The following MFSD8 variants were observed in gnomAD, a reference collection of about 807,000 sequenced individuals.
MFSD8 encodes the protein major facilitator superfamily domain-containing protein 8.
A neutral mutation model predicts 66.4 loss-of-function variants in MFSD8; 55 were observed. The ratio of observed to expected loss-of-function variants is 0.83; its 90% CI spans 0.67 to 1.04. The LOEUF is 1.04. Ranked by LOEUF, MFSD8 falls within the 50% of genes least tolerant of loss-of-function variation. The probability of loss-of-function intolerance (pLI) is 0.00; values close to 1 mark genes in which losing one functional copy is unlikely to be tolerated. For missense variants in MFSD8, 550 were observed against 627.6 expected, an observed-to-expected ratio of 0.88 and a Z score of 1.32; for synonymous variants, 202 against 212.8, an observed-to-expected ratio of 0.95 and a Z score of 0.44.
intron 7 of MFSD8, chr4:127,933,306 ATG>A: frequency 2.3e-6 from 1 of 442,812 alleles, no homozygotes; most frequent in Non-Finnish European, 4.1e-6. Flanking sequence ...GTGCAGTGTC[ATG>A]ATCACAGCTC....
At chr4:127,956,504 A>G (rs1742901489) in intron 2 of MFSD8, among the ~76,000 whole-genome samples, 1 of 151,156 alleles carries the variant, frequency 6.6e-6, no homozygotes, top group South Asian at 2.1e-4. Context: ...CGTCTTGAAA[A>G]AAAAAAAAAA....
chr4:127,964,477 CGGGT>C (rs1744597079), intron 1 of MFSD8, among the ~76,000 whole-genome samples: 1 of 152,236 alleles, frequency 6.6e-6, no homozygotes, highest in African/African-American at 2.4e-5. Context: ...GCCGCTGGCC[CGGGT>C]GCTAAGCCCC....
chr4:127,946,819 G>A (rs1410464362), intron 3 of MFSD8, among the ~76,000 whole-genome samples: 1 of 151,952 alleles, frequency 6.6e-6, no homozygotes, highest in African/African-American at 2.4e-5. Flanking sequence ...GGAGGCTGAG[G>A]CAGGAGAATC....
At chr4:127,959,173 T>C (rs185962403) in intron 1 of MFSD8, among the ~76,000 whole-genome samples, 6 of 152,346 alleles carry the variant, frequency 3.9e-5, no homozygotes, top group African/African-American at 1.4e-4. Flanking sequence ...TGTGATATTC[T>C]TGCCAGAAAT....
chr4:127,940,165 CCT>C (rs1739918473), intron 5 of MFSD8, among the ~76,000 whole-genome samples, 168 bp from the exon 6 acceptor site: 1 of 152,008 alleles, frequency 6.6e-6, no homozygotes, highest in Non-Finnish European at 1.5e-5. Flanking sequence ...CAAAAAATTT[CCT>C]CTTTTTATGT....
At chr4:127,949,930 A>G in intron 2 of MFSD8, 83 bp from the exon 3 acceptor site, 1 of 1,240,668 alleles carries the variant, frequency 8.1e-7, no homozygotes, top group Non-Finnish European at 1.1e-6. Flanking sequence ...CGTGGCATGG[A>G]TTTTAAAATA....
chr4:127,951,591 C>T (rs922884645), intron 2 of MFSD8, among the ~76,000 whole-genome samples: 1 of 152,074 alleles, frequency 6.6e-6, no homozygotes, highest in Admixed American at 6.6e-5. Flanking sequence ...TCAGCTATCA[C>T]CCTGTTTCAT....
In MFSD8 at chr4:127,940,014, T is replaced by G; in HGVS notation, c.554-17A>C. ...TCTGAAAAACTTATTAAGATAAAAT[T>G]TTCACAGATGAATTATTATATGAGA... On this transcript the variant is annotated splice_polypyrimidine_tract_variant and intron_variant, in intron 5 of 11. Coordinates refer to ENST00000641686, the MANE Select transcript of MFSD8 (RefSeq NM_001371596.2). 6.2e-7 allele frequency: 1 copy of G among 1,604,106 alleles called. No homozygotes were observed. The highest frequency in any genetic ancestry group is 8.5e-7 in the Non-Finnish European group (1 of 1,172,202).
At position 127,923,597 on chromosome 4, in the gene MFSD8, T is replaced by A. The variant is rs538036544; in HGVS notation, c.999-1634A>T. ...TATTATTATTATTATTATTATTATT[T>A]GAGACAGAGTCTTGCTCTGTCGCCC... On this transcript the variant is annotated intron_variant, in intron 9 of 11. Coordinates refer to ENST00000641686, the MANE Select transcript of MFSD8 (RefSeq NM_001371596.2). Among the ~76,000 whole-genome samples the A allele has an allele frequency of 8.5e-5, 9 of 106,264 alleles. 1 individual carries two copies. The highest frequency in any genetic ancestry group is 6.3e-4 in the South Asian group (2 of 3,180). The allele number at this position is 106,264 out of a possible 152,430, so 69.7% of individuals were successfully genotyped here. A position where few individuals can be genotyped will look rare whatever the true frequency, so the allele number is the denominator to read the frequency against.
chr4:127,921,467 T>A, intron 11 of MFSD8, 57 bp downstream of exon 11: 1 of 1,611,894 alleles, frequency 6.2e-7, no homozygotes. Flanking sequence ...CAGCAAAAAA[T>A]GTTGAGTGCT....
rs1736049765 is a variant in MFSD8, at chr4:127,918,576, A to C, written c.*2054T>G. 1 of 152,078 alleles carries C rather than the reference A, an allele frequency of 6.6e-6. No individual in the cohort carries two copies. Among genetic ancestry groups the C allele is most frequent in the Non-Finnish European group, 1.5e-5 (1 of 68,020 alleles). The allele number at this position is 152,078 out of a possible 1,614,324, so 9.4% of individuals were successfully genotyped here. A position where few individuals can be genotyped will look rare whatever the true frequency, so the allele number is the denominator to read the frequency against. On this transcript the variant is annotated 3_prime_UTR_variant, in exon 12 of 12. Transcript: ENST00000641686. The stretch of plus-strand genomic sequence containing the variant: ...TTGCCCAAATATTTCTGCTAGTAGG[A>C]CTCACTGGTATAGTTAAATTACCCT...
chr4:127,941,716 A>G (rs1404366014), intron 5 of MFSD8, among the ~76,000 whole-genome samples: 1 of 151,890 alleles, frequency 6.6e-6, no homozygotes, highest in Non-Finnish European at 1.5e-5. Context: ...CCTTCCACAG[A>G]CCCCCAAAGT....
chr4:127,952,851 C>CA (rs1317268816), intron 2 of MFSD8, among the ~76,000 whole-genome samples: 1 of 120,826 alleles, frequency 8.3e-6, no homozygotes, highest in Non-Finnish European at 1.6e-5. Context: ...GCCTGGAAGA[C>CA]AGAGTGAGAC....
intron 2 of MFSD8, among the ~76,000 whole-genome samples, chr4:127,954,974 A>T (rs1402098910): frequency 6.6e-6 from 1 of 152,250 alleles, no homozygotes; most frequent in Non-Finnish European, 1.5e-5. Context: ...AAAGAAAGTT[A>T]ACGTTGGCAA....
At chr4:127,943,693 C>A in intron 4 of MFSD8, 59 bp downstream of exon 4, 1 of 1,606,884 alleles carries the variant, frequency 6.2e-7, no homozygotes, top group Non-Finnish European at 8.5e-7. Context: ...TAAAAGTGAG[C>A]CATAAATGTC....
chr4:127,946,915 CA>C (rs113459300), intron 3 of MFSD8, among the ~76,000 whole-genome samples: 2 of 145,944 alleles, frequency 1.4e-5, no homozygotes, highest in African/African-American at 2.6e-5. Context: ...ACTCCATTTA[CA>C]AAAAAAACCA....
chr4:127,923,580 T>C (rs965108764), intron 9 of MFSD8, among the ~76,000 whole-genome samples: 27 of 146,220 alleles, frequency 1.8e-4, no homozygotes, highest in Non-Finnish European at 3.7e-4. Context: ...ATTATTATTA[T>C]TATTATTATT....
At chr4:127,934,577 T>A (rs868397643) in intron 7 of MFSD8, 10 of 150,434 alleles carry the variant, frequency 6.6e-5, no homozygotes, top group Non-Finnish European at 1.0e-4. Context: ...CCAGGTATTT[T>A]TTTTTTTTTT....
At chr4:127,965,247 C>A, upstream of MFSD8, 1 of 1,348,418 alleles carries the variant, frequency 7.4e-7, no homozygotes, top group Non-Finnish European at 1.0e-6. Context: ...GCGCACCTGA[C>A]GGTCAGACGT....
Sources: allele counts gnomAD v4.1 joint callset (sites outside exome capture counted in the v4.1 genomes callset), GRCh38; gene constraint gnomAD v4.1.1; transcripts MANE v1.5; gene names NCBI Gene and HGNC (gene_info 2026-07-23, HGNC 2026-07-21).